MED12L: variants seen among roughly 807,000 people sequenced by gnomAD.
The protein encoded by MED12L is mediator complex subunit 12L.
MED12L carries 60 observed loss-of-function variants against 281.3 expected under a neutral mutation model. The ratio of observed to expected loss-of-function variants is 0.21; its 90% CI spans 0.17 to 0.26. MED12L has a LOEUF of 0.26. Ranked by LOEUF, MED12L falls within the 10% of genes least tolerant of loss-of-function variation. MED12L has a pLI of 1.00. For missense variants in MED12L, 2,146 were observed against 2,680.9 expected (o/e 0.80, Z 4.41); for synonymous variants, 974 against 987.2 (o/e 0.99, Z 0.25).
intron 16 of MED12L, among the ~76,000 whole-genome samples, chr3:151,342,263 A>G (rs1053391564): frequency 6.6e-6 from 1 of 152,192 alleles, no homozygotes; most frequent in African/African-American, 2.4e-5. Flanking sequence ...TTATGTAAAT[A>G]TTGCTTTGCA....
At chr3:151,175,892 A>G (rs964881105) in intron 11 of MED12L, among the ~76,000 whole-genome samples, 3 of 152,172 alleles carry the variant, frequency 2.0e-5, no homozygotes, top group Non-Finnish European at 4.4e-5. Context: ...CTATTTTGCC[A>G]CTGTAGATAT....
At position 151,365,081 on chromosome 3, in the gene MED12L, T is replaced by A; in HGVS notation, c.3060T>A (p.Asn1020Lys). 6.2e-7 allele frequency: 1 copy of A among 1,614,102 alleles called. No homozygotes were observed. The highest frequency in any genetic ancestry group is 8.5e-7 in the Non-Finnish European group (1 of 1,179,968). Residue 1020 changes from asparagine to lysine, a missense_variant, in exon 22 of 45, where the codon AAT becomes AAA. This residue lies in a region of MED12L where 404 missense variants were observed against 603.5 expected (regional missense o/e 0.67). Transcript: ENST00000687756. ...ACTTCATGATGGATTTTATTGAGAA[T>A]CCCTCAGCCCGCAGCATCAACTACT... ...DPDFMMDFIE[N>K]PSARSINYSM... is the part of the protein sequence containing the mutation.
intron 2 of MED12L, among the ~76,000 whole-genome samples, chr3:151,115,431 C>T (rs1712607115): frequency 7.1e-6 from 1 of 141,484 alleles, no homozygotes; most frequent in Non-Finnish European, 1.5e-5. Flanking sequence ...TCACTTCAAC[C>T]TCCGCCTCCC....
At chr3:151,130,735 C>T (rs144332440) in intron 5 of MED12L, among the ~76,000 whole-genome samples, 2 of 152,340 alleles carry the variant, frequency 1.3e-5, no homozygotes, top group East Asian at 1.9e-4. Context: ...TGCCCAGACG[C>T]GCTTCCTAAG....
chr3:151,409,747 C>A (rs144696238), intron 40 of MED12L, among the ~76,000 whole-genome samples: 204 of 152,174 alleles, frequency 1.3e-3, no homozygotes, highest in African/African-American at 4.5e-3. Flanking sequence ...GCTTCACCCC[C>A]AGAATTTGAG....
At chr3:151,254,090 A>G (rs111867215) in intron 16 of MED12L, among the ~76,000 whole-genome samples, 1,962 of 151,918 alleles carry the variant, frequency 0.013, 47 homozygotes, top group African/African-American at 0.046. Flanking sequence ...CATATAATGA[A>G]AAAAATAGAA....
At chr3:151,102,623 T>C (rs1721525846) in intron 2 of MED12L, among the ~76,000 whole-genome samples, 1 of 152,156 alleles carries the variant, frequency 6.6e-6, no homozygotes, top group African/African-American at 2.4e-5. Flanking sequence ...GCTGAGACCA[T>C]GCTGGCTAAT....
At chr3:151,243,125 C>A (rs1330474971) in intron 16 of MED12L, among the ~76,000 whole-genome samples, 1 of 151,816 alleles carries the variant, frequency 6.6e-6, no homozygotes, top group Non-Finnish European at 1.5e-5. Context: ...GTGAAAAGAC[C>A]AAATCTATGT....
intron 16 of MED12L, among the ~76,000 whole-genome samples, chr3:151,249,686 C>A (rs185908120): frequency 2.0e-4 from 31 of 152,268 alleles, no homozygotes; most frequent in African/African-American, 7.0e-4. Context: ...GGTCTCCAAT[C>A]ATTCTTCGTA....
chr3:151,355,874 A>G, intron 18 of MED12L, 22 bp from the exon 19 acceptor site: 1 of 1,592,906 alleles, frequency 6.3e-7, no homozygotes, highest in South Asian at 1.1e-5. Context: ...GTCTTACAAT[A>G]TTTTTGTTTT....
intron 16 of MED12L, among the ~76,000 whole-genome samples, chr3:151,310,764 A>G (rs187207648): frequency 2.0e-4 from 30 of 152,272 alleles, no homozygotes; most frequent in Admixed American, 7.8e-4. Flanking sequence ...TCCATAAAAC[A>G]CCTTATTTTT....
chr3:151,333,105 C>T (rs1451674513), intron 16 of MED12L, among the ~76,000 whole-genome samples: 1 of 152,222 alleles, frequency 6.6e-6, no homozygotes, highest in Non-Finnish European at 1.5e-5. Context: ...CATAGTATCT[C>T]ATGGTGTATA....
chr3:151,208,303 T>C (rs973822596), intron 16 of MED12L, among the ~76,000 whole-genome samples: 1 of 152,198 alleles, frequency 6.6e-6, no homozygotes, highest in African/African-American at 2.4e-5. Flanking sequence ...AGAGCTAGTA[T>C]TCCTTTAGAA....
intron 8 of MED12L, among the ~76,000 whole-genome samples, chr3:151,160,608 C>G (rs866102087): frequency 2.6e-5 from 4 of 152,114 alleles, no homozygotes; most frequent in Admixed American, 1.3e-4. Context: ...ACAGTCCTGC[C>G]CTAGAGGAGC....
chr3:151,360,924 CA>C (rs1220961167), intron 21 of MED12L, among the ~76,000 whole-genome samples: 2 of 152,006 alleles, frequency 1.3e-5, no homozygotes, highest in African/African-American at 2.4e-5. Context: ...GTTGTACAGA[CA>C]GTGCATTTTA....
At chr3:151,213,293 T>G in intron 16 of MED12L, 1 of 1,588,304 alleles carries the variant, frequency 6.3e-7, no homozygotes. Context: ...TGGAAGAGGG[T>G]AGGAACTCAC....
intron 16 of MED12L, among the ~76,000 whole-genome samples, chr3:151,314,883 C>G (rs913557049): frequency 6.6e-6 from 1 of 152,152 alleles, no homozygotes; most frequent in Non-Finnish European, 1.5e-5. Context: ...AGAGACTTGC[C>G]TAAGTCACAC....
At chr3:151,175,300 AC>A (rs1666263118) in intron 11 of MED12L, among the ~76,000 whole-genome samples, 1 of 152,114 alleles carries the variant, frequency 6.6e-6, no homozygotes. Context: ...TCCAAATTTG[AC>A]CATTTTGTTT....
At chr3:151,193,187 C>T (rs1196382967) in intron 15 of MED12L, among the ~76,000 whole-genome samples, 1 of 152,060 alleles carries the variant, frequency 6.6e-6, no homozygotes, top group East Asian at 1.9e-4. Flanking sequence ...TGTAGCCCTA[C>T]GAGGAAAACA....
Sources: gnomAD v4.1 joint callset for allele counts (sites outside exome capture counted in the v4.1 genomes callset) on GRCh38, gnomAD v4.1.1 for gene constraint, gnomAD v4.1.1 regional missense constraint, MANE v1.5 for transcripts, NCBI Gene and HGNC (gene_info 2026-07-23, HGNC 2026-07-21) for gene names.